Variants in MAGI3 observed in about 807,000 individuals in gnomAD.
MAGI3 encodes the protein membrane-associated guanylate kinase, WW and PDZ domain-containing protein 3.
Under a neutral mutation model 121.8 loss-of-function variants are expected in MAGI3, and 43 were observed. That is an observed-to-expected ratio of 0.35 (90% CI 0.28 to 0.46). MAGI3 has a LOEUF of 0.46. Among genes scored for constraint, MAGI3 ranks in the 20% least tolerant of loss-of-function variants. MAGI3 has a pLI of 1.00. For missense variants in MAGI3, 1,547 were observed against 1,797.3 expected (o/e 0.86, Z 2.52); for synonymous variants, 553 against 639.3 (o/e 0.86, Z 2.04).
intron 9 of MAGI3, among the ~76,000 whole-genome samples, chr1:113,640,648 A>G (rs1652399036): frequency 6.6e-6 from 1 of 151,958 alleles, no homozygotes; most frequent in Admixed American, 6.6e-5. Context: ...CAAACGCTGC[A>G]TGTTCTTATA....
chr1:113,486,371 A>C (rs537956732), intron 1 of MAGI3, among the ~76,000 whole-genome samples: 17 of 152,054 alleles, frequency 1.1e-4, no homozygotes, highest in Non-Finnish European at 1.9e-4. Flanking sequence ...TGTTTTTGTC[A>C]TCTGTGATTT....
chr1:113,460,537 C>T (rs114840167), intron 1 of MAGI3, among the ~76,000 whole-genome samples: 2,909 of 152,156 alleles, frequency 0.019, 32 homozygotes, highest in Non-Finnish European at 0.027. Context: ...CAGCCGGGCA[C>T]GGTGGCTCAC....
intron 1 of MAGI3, among the ~76,000 whole-genome samples, chr1:113,456,247 G>C (rs7542566): frequency 6.0e-5 from 9 of 149,180 alleles, no homozygotes; most frequent in Non-Finnish European, 8.9e-5. Context: ...TTACAGGCGT[G>C]AGCCACCACG....
chr1:113,604,280 G>A (rs938542107), intron 6 of MAGI3, among the ~76,000 whole-genome samples: 7 of 151,994 alleles, frequency 4.6e-5, no homozygotes, highest in Admixed American at 3.3e-4. Context: ...TAAATAAAAT[G>A]TGGTATTGCC....
chr1:113,525,006 A>G (rs900144598), intron 1 of MAGI3, among the ~76,000 whole-genome samples: 6 of 152,082 alleles, frequency 3.9e-5, no homozygotes, highest in African/African-American at 1.2e-4. Flanking sequence ...ATGGTTTTAT[A>G]AAGGGGAGTT....
At chr1:113,474,257 CT>C (rs1360111016) in intron 1 of MAGI3, among the ~76,000 whole-genome samples, 3 of 152,136 alleles carry the variant, frequency 2.0e-5, no homozygotes, top group Non-Finnish European at 4.4e-5. Context: ...CGCAGAAGCT[CT>C]TTAGTTTAAT....
chr1:113,643,595 T>C, intron 10 of MAGI3, 148 bp from the exon 11 acceptor site: 3 of 668,956 alleles, frequency 4.5e-6, no homozygotes, highest in Non-Finnish European at 7.9e-6. Flanking sequence ...TGAGATAATA[T>C]ATGTATAATG....
intron 1 of MAGI3, among the ~76,000 whole-genome samples, chr1:113,461,070 A>G (rs941137882): frequency 6.6e-6 from 1 of 152,178 alleles, no homozygotes; most frequent in Non-Finnish European, 1.5e-5. Flanking sequence ...ACACTCCTCA[A>G]ATAAATCAGA....
chr1:113,466,458 GT>G (rs1254868961), intron 1 of MAGI3, among the ~76,000 whole-genome samples: 1 of 151,880 alleles, frequency 6.6e-6, no homozygotes, highest in Non-Finnish European at 1.5e-5. Context: ...TTTTTTTGTT[GT>G]GTCCTTATCT....
chr1:113,521,192 T>C (rs2101626583), intron 1 of MAGI3, among the ~76,000 whole-genome samples: 1 of 151,340 alleles, frequency 6.6e-6, no homozygotes, highest in South Asian at 2.1e-4. Flanking sequence ...GTTCAAGCGA[T>C]TCTCCTGCCT....
intron 11 of MAGI3, among the ~76,000 whole-genome samples, chr1:113,645,550 C>T (rs1199604182): frequency 6.6e-6 from 1 of 152,142 alleles, no homozygotes; most frequent in Non-Finnish European, 1.5e-5. Flanking sequence ...ACTTTAACCG[C>T]CTCTGACAGA....
At chr1:113,551,785 G>C (rs1376037819) in intron 2 of MAGI3, among the ~76,000 whole-genome samples, 3 of 151,826 alleles carry the variant, frequency 2.0e-5, no homozygotes, top group Admixed American at 6.6e-5. Context: ...GCTTTTCACT[G>C]TGTAGTCATT....
chr1:113,638,134 A>C (rs1009415589), intron 9 of MAGI3, among the ~76,000 whole-genome samples: 1 of 152,040 alleles, frequency 6.6e-6, no homozygotes, highest in Non-Finnish European at 1.5e-5. Context: ...CATTCGTCTA[A>C]ATTTTTTTCA....
At chr1:113,627,824 A>G (rs1045931885) in intron 9 of MAGI3, among the ~76,000 whole-genome samples, 12 of 151,900 alleles carry the variant, frequency 7.9e-5, no homozygotes, top group Non-Finnish European at 1.5e-4. Flanking sequence ...TTTGTCTGAT[A>G]TAAATGTAGC....
intron 1 of MAGI3, among the ~76,000 whole-genome samples, chr1:113,544,567 T>A (rs1557814192): frequency 6.6e-6 from 1 of 152,240 alleles, no homozygotes; most frequent in Non-Finnish European, 1.5e-5. Context: ...TCTTAAAGGA[T>A]GTGCATGATT....
At chr1:113,673,764 G>A (rs370517643) in intron 19 of MAGI3, among the ~76,000 whole-genome samples, 10 of 152,134 alleles carry the variant, frequency 6.6e-5, no homozygotes, top group Non-Finnish European at 1.0e-4. Flanking sequence ...GAGGGTAAAC[G>A]AATTAATAAA....
chr1:113,633,401 A>G (rs1651790025), intron 9 of MAGI3, among the ~76,000 whole-genome samples: 1 of 149,992 alleles, frequency 6.7e-6, no homozygotes. Context: ...AGCTGGGACT[A>G]CAGGCGCCTG....
At chr1:113,392,471 C>A (rs1172642269) in intron 1 of MAGI3, among the ~76,000 whole-genome samples, 1 of 152,136 alleles carries the variant, frequency 6.6e-6, no homozygotes, top group Non-Finnish European at 1.5e-5. Context: ...CTTCTCATTT[C>A]TTTCTCAGCA....
chr1:113,593,199 T>G (rs559825829), intron 5 of MAGI3, among the ~76,000 whole-genome samples: 2 of 152,330 alleles, frequency 1.3e-5, no homozygotes, highest in South Asian at 4.2e-4. Flanking sequence ...AGTGAGTTTA[T>G]TTCATGTTAA....
Sources: gnomAD v4.1 joint callset for allele counts (sites outside exome capture counted in the v4.1 genomes callset) on GRCh38, gnomAD v4.1.1 for gene constraint, MANE v1.5 for transcripts, NCBI Gene and HGNC (gene_info 2026-07-23, HGNC 2026-07-21) for gene names.